Variants in SIPA1L2 observed in about 807,000 individuals in gnomAD.
SIPA1L2 encodes the protein signal induced proliferation associated 1 like 2, also known as signal-induced proliferation-associated 1-like protein 2.
In SIPA1L2, 56 loss-of-function variants were observed where a neutral mutation model predicts 163.9. The ratio of observed to expected loss-of-function variants is 0.34; its 90% CI spans 0.28 to 0.43. SIPA1L2 has a LOEUF of 0.43. Among genes scored for constraint, SIPA1L2 ranks in the 20% least tolerant of loss-of-function variants. SIPA1L2 has a pLI of 1.00. For synonymous variants in SIPA1L2, 877 were observed against 865.7 expected (o/e 1.01, Z -0.23); for missense variants, 1,974 against 2,193.5 (o/e 0.90, Z 2.00).
At chr1:232,460,840 C>T in intron 10 of SIPA1L2, 47 bp downstream of exon 10, 1 of 1,583,644 alleles carries the variant, frequency 6.3e-7, no homozygotes. Flanking sequence ...CCACCTGCTA[C>T]AGAGGCAAAG....
At chr1:232,399,334 G>T in intron 22 of SIPA1L2, 61 bp from the exon 23 acceptor site, 1 of 1,546,364 alleles carries the variant, frequency 6.5e-7, no homozygotes, top group Non-Finnish European at 8.8e-7. Context: ...TTCCTCCTAA[G>T]CTGGGCTACG....
chr1:232,512,486 A>T (rs1667024812), intron 3 of SIPA1L2, among the ~76,000 whole-genome samples: 1 of 152,174 alleles, frequency 6.6e-6, no homozygotes, highest in Non-Finnish European at 1.5e-5. Flanking sequence ...CCCATCAATG[A>T]TAGACTAGAT....
In SIPA1L2 at chr1:232,398,488, C is replaced by G. The variant is rs146209636; in HGVS notation, c.*639G>C. On this transcript the variant is annotated 3_prime_UTR_variant, in exon 23 of 23. Coordinates refer to ENST00000674635, the MANE Select transcript of SIPA1L2 (RefSeq NM_020808.5). Reference sequence around the variant, plus strand: ...TCAGAACACTGTTAATATTCAGGCACCATTTGTTCCTGCAAATAAATAAGT... The same window carrying G: ...TCAGAACACTGTTAATATTCAGGCAGCATTTGTTCCTGCAAATAAATAAGT... 18 of 152,214 alleles carry G rather than the reference C, an allele frequency of 1.2e-4. No homozygotes were observed. The highest frequency in any genetic ancestry group is 4.3e-4 in the African/African-American group (18 of 41,390). 9.4% of individuals were successfully genotyped at this position (152,214 alleles called of 1,614,324 possible). A position where few individuals can be genotyped will look rare whatever the true frequency, so the allele number is the denominator to read the frequency against.
rs180949262 is a variant in SIPA1L2, at chr1:232,563,438, G to A, written c.-270+10736C>T. ...AAACAGAGGTGGGGTGCATGACTGA[G>A]CCACACATTTCTATAGTATACACTG... On this transcript the variant is annotated intron_variant, in intron 2 of 22. Coordinates refer to ENST00000674635, the MANE Select transcript of SIPA1L2 (RefSeq NM_020808.5). Among the ~76,000 whole-genome samples the A allele has an allele frequency of 1.2e-4, 18 of 152,230 alleles. No individual in the cohort carries two copies. In the East Asian group the frequency reaches 2.5e-3, roughly 21 times the overall value.
chr1:232,605,077 A>G (rs897812321), intron 1 of SIPA1L2, among the ~76,000 whole-genome samples: 3 of 152,178 alleles, frequency 2.0e-5, no homozygotes, highest in Non-Finnish European at 1.5e-5. Flanking sequence ...CAGTGGCTCA[A>G]TCATGGCTCA....
intron 11 of SIPA1L2, among the ~76,000 whole-genome samples, chr1:232,444,815 C>T (rs1019210914): frequency 2.1e-4 from 32 of 152,194 alleles, no homozygotes; most frequent in Admixed American, 3.3e-4. Flanking sequence ...GCTCCCAGTC[C>T]GTGGTCTATC....
chr1:232,524,478 G>A (rs1667600130), intron 2 of SIPA1L2, among the ~76,000 whole-genome samples: 1 of 151,984 alleles, frequency 6.6e-6, no homozygotes, highest in African/African-American at 2.4e-5. Flanking sequence ...TATATATTAA[G>A]TCCTATAAAA....
intron 2 of SIPA1L2, among the ~76,000 whole-genome samples, chr1:232,516,058 A>G (rs1396694543): frequency 1.3e-5 from 2 of 152,268 alleles, no homozygotes; most frequent in Non-Finnish European, 2.9e-5. Flanking sequence ...ATTTCAATGC[A>G]TGAATTGGCT....
intron 3 of SIPA1L2, among the ~76,000 whole-genome samples, chr1:232,503,130 C>A (rs1422457074): frequency 6.6e-6 from 1 of 152,070 alleles, no homozygotes; most frequent in Non-Finnish European, 1.5e-5. Flanking sequence ...AAGGGTGAAT[C>A]AAATGAAATC....
chr1:232,598,180 T>C (rs532022272), intron 1 of SIPA1L2, among the ~76,000 whole-genome samples: 38 of 151,192 alleles, frequency 2.5e-4, no homozygotes, highest in African/African-American at 8.0e-4. Flanking sequence ...GACAGGAGGA[T>C]TGCTTGAGCC....
chr1:232,541,282 A>G lies in SIPA1L2; in HGVS notation c.-269-25674T>C, dbSNP rs560962399. ...ATAACATAACATAACATAACATAAC[A>G]TAACATAACATAACATAACAGAATA... On this transcript the variant is annotated intron_variant, in intron 2 of 22. Transcript: ENST00000674635. Among the ~76,000 whole-genome samples, 38 of 151,326 alleles carry G rather than the reference A, an allele frequency of 2.5e-4. 1 individual carries two copies. In the East Asian group the frequency reaches 7.1e-3, roughly 28 times the overall value.
chr1:232,489,463 T>C (rs1665817663), intron 5 of SIPA1L2, among the ~76,000 whole-genome samples: 1 of 152,076 alleles, frequency 6.6e-6, no homozygotes, highest in Non-Finnish European at 1.5e-5. Context: ...TATTACGCAA[T>C]TTAAAAGTCA....
chr1:232,524,108 G>T (rs1667579703), intron 2 of SIPA1L2, among the ~76,000 whole-genome samples: 1 of 152,088 alleles, frequency 6.6e-6, no homozygotes, highest in East Asian at 1.9e-4. Flanking sequence ...GTGGTTTATT[G>T]TCTGATATAA....
At chr1:232,404,491 G>A (rs1389099234) in intron 19 of SIPA1L2, among the ~76,000 whole-genome samples, 1 of 152,122 alleles carries the variant, frequency 6.6e-6, no homozygotes, top group African/African-American at 2.4e-5. Context: ...AGAGAGTGGT[G>A]GTAAGAGAGA....
At chr1:232,590,501 ACT>A (rs1328233742) in intron 1 of SIPA1L2, among the ~76,000 whole-genome samples, 1 of 152,158 alleles carries the variant, frequency 6.6e-6, no homozygotes, top group Non-Finnish European at 1.5e-5. Context: ...GTTCATACAC[ACT>A]GTTTTCTGGA....
At chr1:232,572,490 T>C (rs1353033491) in intron 2 of SIPA1L2, among the ~76,000 whole-genome samples, 1 of 152,036 alleles carries the variant, frequency 6.6e-6, no homozygotes, top group African/African-American at 2.4e-5. Flanking sequence ...AGGCAGAGTC[T>C]GTGTCTACTG....
In SIPA1L2 at chr1:232,514,794, G is replaced by A; in HGVS notation, c.546C>T (p.Pro182=). ...CCCTGTGCAGGGCAGCCCCGGTGTT[G>A]GGGTTGACTGCATTTTGGTCTAAGA... ...EDVLDQNAVN[P]NTGAALHREY... is the part of the protein sequence containing the mutation. Residue 182 remains proline, a synonymous_variant, in exon 3 of 23, where the codon CCC becomes CCT. Coordinates refer to ENST00000674635, the MANE Select transcript of SIPA1L2 (RefSeq NM_020808.5). 1 of 1,614,210 alleles carries A rather than the reference G, an allele frequency of 6.2e-7. No individual in the cohort carries two copies. Among genetic ancestry groups the A allele is most frequent in the Non-Finnish European group, 8.5e-7 (1 of 1,180,040 alleles).
intron 2 of SIPA1L2, among the ~76,000 whole-genome samples, chr1:232,553,718 T>C (rs1052751607): frequency 6.6e-6 from 1 of 152,202 alleles, no homozygotes; most frequent in Non-Finnish European, 1.5e-5. Flanking sequence ...AAAATACATG[T>C]CTAAATCCTC....
chr1:232,426,591 C>T (rs1204133832), intron 17 of SIPA1L2, among the ~76,000 whole-genome samples: 4 of 151,974 alleles, frequency 2.6e-5, no homozygotes, highest in East Asian at 1.9e-4. Flanking sequence ...ACCTGGGAGG[C>T]GGAGCTTGCA....
Sources: allele counts gnomAD v4.1 joint callset (sites outside exome capture counted in the v4.1 genomes callset), GRCh38; gene constraint gnomAD v4.1.1; transcripts MANE v1.5; gene names NCBI Gene and HGNC (gene_info 2026-07-23, HGNC 2026-07-21).